DNAH3: variants seen among roughly 807,000 people sequenced by gnomAD.
DNAH3 encodes axonemal beta dynein heavy chain 3.
DNAH3 carries 332 observed loss-of-function variants against 432.5 expected under a neutral mutation model. That is an observed-to-expected ratio of 0.77 (90% confidence interval 0.70 to 0.84). The LOEUF is 0.84. Among genes scored for constraint, DNAH3 ranks in the 40% least tolerant of loss-of-function variants. The pLI, the probability that DNAH3 is intolerant of heterozygous loss-of-function variation, is 0.00. For synonymous variants in DNAH3, 1,956 were observed against 1,900.2 expected (o/e 1.03, Z -0.76); for missense variants, 4,861 against 5,114.0 (o/e 0.95, Z 1.51).
chr16:21,029,966 G>A (rs1354750185), intron 37 of DNAH3, among the ~76,000 whole-genome samples: 1 of 152,040 alleles, frequency 6.6e-6, no homozygotes, highest in East Asian at 1.9e-4. Context: ...AGGACTACAC[G>A]CACTTACCAC....
chr16:21,145,233 C>T (rs1247781432), exon 3 of DNAH3: 6 of 1,613,190 alleles, frequency 3.7e-6, no homozygotes, highest in Middle Eastern at 1.7e-4. Flanking sequence ...TGATGGTGGC[C>T]GGTTGGTAGA....
intron 12 of DNAH3, among the ~76,000 whole-genome samples, chr16:21,116,532 A>G (rs1307421215): frequency 6.6e-6 from 1 of 152,168 alleles, no homozygotes; most frequent in South Asian, 2.1e-4. Flanking sequence ...CCAGACCTGC[A>G]GAATTGTGAG....
intron 40 of DNAH3, among the ~76,000 whole-genome samples, chr16:21,020,993 A>G (rs1181764568): frequency 1.3e-5 from 2 of 152,186 alleles, no homozygotes; most frequent in African/African-American, 2.4e-5. Context: ...TCGCACAGTC[A>G]TTTTGTGACT....
At chr16:21,086,540 C>A (rs1005423273) in intron 19 of DNAH3, among the ~76,000 whole-genome samples, 4 of 152,274 alleles carry the variant, frequency 2.6e-5, no homozygotes, top group African/African-American at 9.6e-5. Flanking sequence ...CTTGGAGGCT[C>A]TTGGCCTCCA....
exon 60 of DNAH3, chr16:20,936,732 T>A (rs1458727624): frequency 1.2e-6 from 2 of 1,610,490 alleles, no homozygotes; most frequent in South Asian, 2.2e-5. Flanking sequence ...GCTGCCCACA[T>A]GGCTGGCACT....
chr16:20,933,527 T>A lies in DNAH3; in HGVS notation c.11998-20A>T. 6.5e-7 allele frequency: 1 copy of A among 1,537,530 alleles called. No homozygotes were observed. Among genetic ancestry groups the A allele is most frequent in the Admixed American group, 2.0e-5 (1 of 49,888 alleles). On this transcript the variant is annotated intron_variant, in intron 61 of 61. Coordinates refer to ENST00000261383, the Ensembl canonical transcript of DNAH3. ...GGTTACCTGGAAGAATAAAAAGCTA[T>A]GAGCTCCATTGCCTGCCATTTTCCT...
chr16:20,986,895 T>C (rs1162150780), intron 47 of DNAH3, among the ~76,000 whole-genome samples: 1 of 152,158 alleles, frequency 6.6e-6, no homozygotes, highest in Non-Finnish European at 1.5e-5. Context: ...TATATGGAAA[T>C]GGAAAAGAGA....
chr16:21,030,537 GC>G (rs2088820434), intron 37 of DNAH3, among the ~76,000 whole-genome samples: 1 of 152,182 alleles, frequency 6.6e-6, no homozygotes. Context: ...CAACTGGCCA[GC>G]TGAGCCCTTT....
intron 8 of DNAH3, among the ~76,000 whole-genome samples, 199 bp downstream of exon 9, chr16:21,127,488 G>C (rs137922385): frequency 8.7e-4 from 132 of 152,032 alleles, no homozygotes; most frequent in African/African-American, 3.1e-3. Flanking sequence ...TTGAACCCGG[G>C]AGGCAGAAGT....
At chr16:21,071,589 G>A (rs1006771313) in intron 21 of DNAH3, among the ~76,000 whole-genome samples, 31 of 151,732 alleles carry the variant, frequency 2.0e-4, no homozygotes, top group Admixed American at 2.0e-3. Context: ...CCTTGAAAAT[G>A]TTATTAAAGA....
chr16:21,006,797 G>A (rs908571464), intron 41 of DNAH3, among the ~76,000 whole-genome samples: 14 of 152,200 alleles, frequency 9.2e-5, no homozygotes, highest in African/African-American at 3.1e-4. Context: ...TGATCCTCTT[G>A]CCTCAGCCTC....
intron 12 of DNAH3, among the ~76,000 whole-genome samples, chr16:21,116,637 T>A (rs966563013): frequency 5.3e-5 from 8 of 152,202 alleles, no homozygotes; most frequent in African/African-American, 1.7e-4. Context: ...TGCTCACGTG[T>A]GCAGCTGTGA....
Position 21,125,368 on chromosome 16 carries a change from C to T in DNAH3, c.1211G>A (p.Trp404Ter), listed in dbSNP as rs1176270415. The T allele has an allele frequency of 1.3e-6, 2 of 1,597,572 alleles. No homozygotes were observed. Among genetic ancestry groups the T allele is most frequent in the African/African-American group, 2.7e-5 (2 of 74,498 alleles). Residue 404 changes from tryptophan to a stop codon, truncating the protein, a stop_gained and splice_region_variant, in exon 9 of 62, where the codon TGG becomes TAG. Coordinates refer to ENST00000261383, the Ensembl canonical transcript of DNAH3. LOFTEE classifies it high-confidence loss of function. Reference sequence around the variant, plus strand: ...AAAAAGCTGGGCGCAGGTGGGGATCCACCTGTAAAGACAGAAGGGTGTCCA... The same window carrying T: ...AAAAAGCTGGGCGCAGGTGGGGATCTACCTGTAAAGACAGAAGGGTGTCCA...
At chr16:20,992,438 C>G (rs1304259599) in intron 44 of DNAH3, among the ~76,000 whole-genome samples, 1 of 151,946 alleles carries the variant, frequency 6.6e-6, no homozygotes, top group South Asian at 2.1e-4. Flanking sequence ...CTCCGCCTCC[C>G]GGGTTCACGC....
intron 37 of DNAH3, among the ~76,000 whole-genome samples, chr16:21,027,866 C>T (rs1387342601): frequency 1.3e-5 from 2 of 152,252 alleles, no homozygotes; most frequent in African/African-American, 4.8e-5. Flanking sequence ...TAGAACTTAA[C>T]TGCAAAGCCA....
chr16:21,149,790 T>G (rs1302009530), intron 1 of DNAH3, among the ~76,000 whole-genome samples: 1 of 152,178 alleles, frequency 6.6e-6, no homozygotes. Flanking sequence ...ACAGCAAAAC[T>G]TGAAGATTTC....
chr16:21,037,755 A>G lies in DNAH3; in HGVS notation c.4950+6T>C. 1 of 1,613,810 alleles carries G rather than the reference A, an allele frequency of 6.2e-7. No homozygotes were observed. Among genetic ancestry groups the G allele is most frequent in the Non-Finnish European group, 8.5e-7 (1 of 1,179,734 alleles). ...TCCTCGGCCAAGGTCCTGAACCGCT[A>G]CATACCTGAAACAGAGGGACATCTT... is the stretch of plus-strand genomic sequence containing the variant. On this transcript the variant is annotated splice_donor_region_variant and intron_variant, in intron 34 of 61. Transcript: ENST00000261383.
intron 39 of DNAH3, among the ~76,000 whole-genome samples, chr16:21,023,211 A>G (rs1386953702): frequency 6.6e-6 from 1 of 152,204 alleles, no homozygotes; most frequent in Admixed American, 6.5e-5. Flanking sequence ...ATACATGGAA[A>G]TGTGGTATAT....
intron 41 of DNAH3, among the ~76,000 whole-genome samples, chr16:21,007,436 A>G (rs1033707895): frequency 6.6e-6 from 1 of 151,828 alleles, no homozygotes; most frequent in South Asian, 2.1e-4. Context: ...TGGTCTCAAA[A>G]TCCTGGGCTC....
Sources: gnomAD v4.1 joint callset for allele counts (sites outside exome capture counted in the v4.1 genomes callset) on GRCh38, gnomAD v4.1.1 for gene constraint, MANE v1.5 for transcripts, NCBI Gene and HGNC (gene_info 2026-07-23, HGNC 2026-07-21) for gene names.